Variants in FKBP8 observed in about 807,000 individuals in gnomAD.
FKBP8 encodes peptidyl-prolyl cis-trans isomerase FKBP8.
Under a neutral mutation model 41.7 loss-of-function variants are expected in FKBP8, and 5 were observed. The observed-to-expected ratio is 0.12, with a 90% CI of 0.06 to 0.25. The LOEUF (loss-of-function observed/expected upper bound fraction) is 0.25. Among genes scored for constraint, FKBP8 ranks in the 10% least tolerant of loss-of-function variants. The pLI is 1.00. For missense variants in FKBP8, 397 were observed against 563.0 expected (o/e 0.71, Z 2.98); for synonymous variants, 279 against 254.5 (o/e 1.10, Z -0.92).
chr19:18,541,994 C>A lies in FKBP8; in HGVS notation c.-24G>T. On this transcript the variant is annotated splice_region_variant and 5_prime_UTR_variant, in exon 2 of 9. Coordinates refer to ENST00000608443, the MANE Select transcript of FKBP8 (RefSeq NM_012181.5). ...ATGCTGCTGGGGGGACAGGAATTGGCCCTGGAAGTGGGGGGCAGAGATGTG... is the reference window on the plus strand; with the variant it reads ...ATGCTGCTGGGGGGACAGGAATTGGACCTGGAAGTGGGGGGCAGAGATGTG... 1 of 1,606,606 alleles carries A rather than the reference C, an allele frequency of 6.2e-7. No individual in the cohort carries two copies. The highest frequency in any genetic ancestry group is 8.5e-7 in the Non-Finnish European group (1 of 1,175,678).
In FKBP8 at chr19:18,533,461, A is replaced by G. The variant is rs892931537; in HGVS notation, c.946-114T>C. ...GATGGTGTCACTGCACTCCAGCTTG[A>G]GCAACAGAGCAAGACTCCATCTCAA... On this transcript the variant is annotated intron_variant, in intron 6 of 8. Transcript: ENST00000608443. 1.8e-5 allele frequency: 11 copies of G among 625,288 alleles called. No individual in the cohort carries two copies. In the Admixed American group the frequency reaches 2.7e-4, roughly 15 times the overall value. The allele number at this position is 625,288 out of a possible 1,614,324, so 38.7% of individuals were successfully genotyped here.
chr19:18,533,188 G>T, intron 7 of FKBP8, 82 bp downstream of exon 7: 3 of 1,321,146 alleles, frequency 2.3e-6, no homozygotes, highest in Middle Eastern at 1.9e-4. Flanking sequence ...ACAACAGAGA[G>T]CCACAGCAAG....
At chr19:18,542,895 C>T in intron 1 of FKBP8, 1 of 1,283,616 alleles carries the variant, frequency 7.8e-7, no homozygotes, top group South Asian at 1.2e-5. Flanking sequence ...CACCTGCCTG[C>T]TCCTCCCGGG....
chr19:18,537,923 G>A lies in FKBP8; in HGVS notation c.773-150C>T, dbSNP rs954406263. The A allele has an allele frequency of 3.2e-5, 27 of 839,838 alleles. No individual in the cohort carries two copies. The highest frequency in any genetic ancestry group is 3.8e-5 in the Non-Finnish European group (21 of 551,174). The allele number at this position is 839,838 out of a possible 1,614,324, so 52.0% of individuals were successfully genotyped here. ...CACGCTTTCCTGGGGCTCTCCTGAG[G>A]AAGCTACAAGATGGAGACTTAAGCA... On this transcript the variant is annotated intron_variant, in intron 5 of 8. Transcript: ENST00000608443. The surrounding 1 kb of genome is among the most constrained non-coding windows in gnomAD (Gnocchi z 4.4).
Position 18,538,907 on chromosome 19 carries a change from C to T in FKBP8, c.551+464G>A, listed in dbSNP as rs967769500. 1.3e-5 allele frequency among the ~76,000 whole-genome samples: 2 copies of T among 150,612 alleles called. No individual in the cohort carries two copies. The highest frequency in any genetic ancestry group is 6.6e-5 in the Admixed American group (1 of 15,076). On this transcript the variant is annotated intron_variant, in intron 4 of 8. Coordinates refer to ENST00000608443, the MANE Select transcript of FKBP8 (RefSeq NM_012181.5). The surrounding 1 kb of genome is among the most constrained non-coding windows in gnomAD (Gnocchi z 4.0). The stretch of plus-strand genomic sequence containing the variant: ...TCGGTTCACTGCAAGCTCCGCCTCC[C>T]GGGTTCACGCCATTTTCCTGCCTCA...
chr19:18,540,281 C>G (rs1455199715), intron 2 of FKBP8, among the ~76,000 whole-genome samples: 1 of 152,108 alleles, frequency 6.6e-6, no homozygotes, highest in Non-Finnish European at 1.5e-5. Context: ...GTGTCCCCAC[C>G]ACAGCACCAA....
intron 1 of FKBP8, chr19:18,543,189 C>T (rs1467206836): frequency 1.6e-5 from 4 of 243,770 alleles, no homozygotes; most frequent in Non-Finnish European, 3.3e-5. Flanking sequence ...GCCTGTCTGA[C>T]GCCACCAGTC....
intron 2 of FKBP8, 133 bp from the exon 3 acceptor site, chr19:18,539,853 A>C: frequency 3.7e-6 from 4 of 1,070,176 alleles, no homozygotes; most frequent in Non-Finnish European, 4.1e-6. Flanking sequence ...CTGGGGCACA[A>C]ACCAAACTTC....
intron 6 of FKBP8, 66 bp from the exon 7 acceptor site, chr19:18,533,413 C>A (rs1286574124): frequency 1.2e-5 from 17 of 1,371,532 alleles, no homozygotes; most frequent in Non-Finnish European, 1.7e-5. Context: ...AGAAATCCAG[C>A]CCAGGAGGTT....
In FKBP8 at chr19:18,541,777, T is replaced by C; in HGVS notation, c.194A>G (p.Glu65Gly). The change falls in exon 2 of 9, where the codon GAG becomes GGG. Residue 65 changes from glutamate to glycine, a missense_variant. Physicochemically the swap from Glu to Gly is moderately conservative, Grantham distance 98 (BLOSUM62 -2). Transcript: ENST00000608443. ...GGCCAGGGCCCCAGGCTGCTCAGCC[T>C]CCTCCGCCGGGGGTTGTCCCATGTC... Reference protein sequence around the residue: ...LEDMGQPPAEEAEQPGALARE... With the variant: ...LEDMGQPPAEGAEQPGALARE... The C allele has an allele frequency of 1.2e-6, 2 of 1,613,926 alleles. No individual in the cohort carries two copies. Among genetic ancestry groups the C allele is most frequent in the Non-Finnish European group, 1.7e-6 (2 of 1,179,944 alleles).
chr19:18,532,485 C>G, intron 8 of FKBP8, 179 bp downstream of exon 8: 1 of 1,049,046 alleles, frequency 9.5e-7, no homozygotes, highest in Non-Finnish European at 1.4e-6. Context: ...CACCCCCAGC[C>G]CTCCAGCTTG....
rs757031781 is a variant in FKBP8 at position 18,538,360 on chromosome 19, G to A, written c.628C>T (p.Leu210=). ...TLKTAVDGPD[L]EMLTGQERVA... is the part of the protein sequence containing the mutation. ...CGCTCCTGCCCCGTGAGCATCTCCA[G>A]GTCAGGCCCGTCCACAGCCGTCTTC... Residue 210 remains leucine, a synonymous_variant, in exon 5 of 9, where the codon CTG becomes TTG. Transcript: ENST00000608443. The surrounding 1 kb of genome is among the most constrained non-coding windows in gnomAD (Gnocchi z 4.0). 16 of 1,613,684 alleles carry A rather than the reference G, an allele frequency of 9.9e-6. No individual in the cohort carries two copies. Among genetic ancestry groups the A allele is most frequent in the Non-Finnish European group, 1.2e-5 (14 of 1,179,992 alleles).
Position 18,538,038 on chromosome 19 carries a change from G to C in FKBP8, c.772+178C>G. On this transcript the variant is annotated intron_variant, in intron 5 of 8. Coordinates refer to ENST00000608443, the MANE Select transcript of FKBP8 (RefSeq NM_012181.5). This position sits in a 1 kb window ranked among gnomAD's most constrained non-coding sequence, Gnocchi z 4.0. The stretch of plus-strand genomic sequence containing the variant: ...CACTTGCATTCTACAACACTCCACT[G>C]GTCTGGGATATACCACGAGTCTGTA... 1.4e-6 allele frequency: 1 copy of C among 733,464 alleles called. No homozygotes were observed. Among genetic ancestry groups the C allele is most frequent in the Non-Finnish European group, 2.2e-6 (1 of 448,798 alleles). The allele number at this position is 733,464 out of a possible 1,614,324, so 45.4% of individuals were successfully genotyped here.
rs993589947 is a variant in FKBP8 at position 18,532,450 on chromosome 19, G to A, written c.1156-195C>T. 6.1e-5 allele frequency: 56 copies of A among 916,922 alleles called. 1 individual carries two copies. In the East Asian group the frequency reaches 7.7e-4, roughly 13 times the overall value. The allele number at this position is 916,922 out of a possible 1,614,324, so 56.8% of individuals were successfully genotyped here. On this transcript the variant is annotated intron_variant, in intron 8 of 8. Transcript: ENST00000608443. ...CCCCTCCTCCAGGACACCGCCCCTC[G>A]TGCCCTGGAAGAGGCTCCACAGTCC...
chr19:18,535,427 A>G (rs1976550506), intron 6 of FKBP8, among the ~76,000 whole-genome samples: 1 of 152,088 alleles, frequency 6.6e-6, no homozygotes. Flanking sequence ...AAATGAGTCA[A>G]TGAGATCCAG....
In FKBP8 at chr19:18,539,436, G is replaced by A; in HGVS notation, c.486C>T (p.Leu162=). ...VIQALDLSVP[L]MDVGETAMVT... is the part of the protein sequence containing the mutation. ...CCATGGCCGTCTCCCCCACGTCCAT[G>A]AGTGGGACACTGAGATCCAGGGCCT... Residue 162 remains leucine (L), a synonymous_variant, in exon 4 of 9, where the codon CTC becomes CTT. Coordinates refer to ENST00000608443, the MANE Select transcript of FKBP8 (RefSeq NM_012181.5). 1 of 1,613,804 alleles carries A rather than the reference G, an allele frequency of 6.2e-7. No homozygotes were observed. Among genetic ancestry groups the A allele is most frequent in the Non-Finnish European group, 8.5e-7 (1 of 1,179,974 alleles).
At chr19:18,543,112 C>T in intron 1 of FKBP8, 1 of 285,380 alleles carries the variant, frequency 3.5e-6, no homozygotes, top group South Asian at 2.5e-5. Context: ...ACCCCACGCT[C>T]TCCTGACGCC....
At chr19:18,535,614 A>G (rs1468043292) in intron 6 of FKBP8, among the ~76,000 whole-genome samples, 2 of 151,900 alleles carry the variant, frequency 1.3e-5, no homozygotes, top group African/African-American at 2.4e-5. Flanking sequence ...TATACTAAAA[A>G]TACAAAAAAA....
intron 8 of FKBP8, 95 bp from the exon 9 acceptor site, chr19:18,532,350 C>G (rs1015177469): frequency 1.2e-5 from 15 of 1,200,706 alleles, no homozygotes; most frequent in South Asian, 3.9e-5. Flanking sequence ...GACCTCCCAA[C>G]AAATCATTGC....
Sources: allele counts gnomAD v4.1 joint callset (sites outside exome capture counted in the v4.1 genomes callset), GRCh38; gene constraint gnomAD v4.1.1; non-coding constraint Gnocchi (gnomAD v3.1); transcripts MANE v1.5; gene names NCBI Gene and HGNC (gene_info 2026-07-23, HGNC 2026-07-21).